The following KCNQ3 variants were observed in gnomAD, a reference collection of about 807,000 sequenced individuals.
The protein encoded by KCNQ3 is potassium voltage-gated channel subfamily KQT member 3.
KCNQ3 carries 30 observed loss-of-function variants against 92.5 expected under a neutral mutation model. The observed-to-expected ratio is 0.32, with a 90% CI of 0.24 to 0.44. The LOEUF is 0.44. Among genes scored for constraint, KCNQ3 ranks in the 20% least tolerant of loss-of-function variants. The pLI is 1.00. For synonymous variants in KCNQ3, 450 were observed against 468.8 expected, an observed-to-expected ratio of 0.96 and a Z score of 0.52; for missense variants, 913 against 1,140.3, an observed-to-expected ratio of 0.80 and a Z score of 2.87.
At chr8:132,297,709 A>G (rs1817088034) in intron 1 of KCNQ3, among the ~76,000 whole-genome samples, 1 of 152,262 alleles carries the variant, frequency 6.6e-6, no homozygotes, top group Non-Finnish European at 1.5e-5. Flanking sequence ...CCTCGTTCAC[A>G]TGACAAGTCC....
At chr8:132,311,738 T>C (rs142672373) in intron 1 of KCNQ3, among the ~76,000 whole-genome samples, 6 of 152,112 alleles carry the variant, frequency 3.9e-5, no homozygotes, top group African/African-American at 1.4e-4. Flanking sequence ...AGGAAAAAAA[T>C]TGGTCACCTC....
At chr8:132,464,046 G>T (rs1387201667) in intron 1 of KCNQ3, among the ~76,000 whole-genome samples, 2 of 152,184 alleles carry the variant, frequency 1.3e-5, no homozygotes, top group Non-Finnish European at 2.9e-5. Flanking sequence ...TTAGCTGGGT[G>T]TGGTGGCGGG....
At chr8:132,189,559 G>C (rs1827094049) in intron 1 of KCNQ3, among the ~76,000 whole-genome samples, 2 of 152,250 alleles carry the variant, frequency 1.3e-5, no homozygotes, top group African/African-American at 4.8e-5. Flanking sequence ...GGGCACAGTG[G>C]CTCATGCCTG....
chr8:132,409,432 T>C (rs1031666475), intron 1 of KCNQ3, among the ~76,000 whole-genome samples: 1 of 150,668 alleles, frequency 6.6e-6, no homozygotes, highest in Non-Finnish European at 1.5e-5. Flanking sequence ...AAGTGCCACC[T>C]CCTTGACCTA....
intron 1 of KCNQ3, among the ~76,000 whole-genome samples, chr8:132,305,053 C>T (rs1178765289): frequency 2.0e-5 from 3 of 152,164 alleles, no homozygotes; most frequent in Non-Finnish European, 4.4e-5. Flanking sequence ...CTGCTCAGTG[C>T]CTGGGAGGCT....
At position 132,307,771 on chromosome 8, in the gene KCNQ3, T is replaced by C. The variant is rs563795102; in HGVS notation, c.387-121590A>G. Among the ~76,000 whole-genome samples, 416 of 152,354 alleles carry C rather than the reference T, an allele frequency of 2.7e-3. 3 individuals are homozygous for C. The highest frequency in any genetic ancestry group is 6.8e-3 in the Middle Eastern group (2 of 294). On this transcript the variant is annotated intron_variant, in intron 1 of 14. Transcript: ENST00000388996. ...AAAAAACAGATTTGGGCCAGGATATTGGTCACTAAAGGAGTCACAGTAGTG... is the reference window on the plus strand; with the variant it reads ...AAAAAACAGATTTGGGCCAGGATATCGGTCACTAAAGGAGTCACAGTAGTG...
At chr8:132,258,535 G>A (rs1193483771) in intron 1 of KCNQ3, among the ~76,000 whole-genome samples, 1 of 152,010 alleles carries the variant, frequency 6.6e-6, no homozygotes, top group East Asian at 1.9e-4. Context: ...ATTTACAGTT[G>A]TAAATGTCTA....
At chr8:132,396,175 A>G (rs1042443202) in intron 1 of KCNQ3, among the ~76,000 whole-genome samples, 8 of 152,098 alleles carry the variant, frequency 5.3e-5, no homozygotes, top group Admixed American at 3.3e-4. Context: ...TGCTCCACAT[A>G]TGTTTCTCAT....
intron 1 of KCNQ3, among the ~76,000 whole-genome samples, chr8:132,191,884 T>G (rs1827173231): frequency 6.6e-6 from 1 of 151,174 alleles, no homozygotes; most frequent in South Asian, 2.1e-4. Flanking sequence ...GGTCTTGGGG[T>G]GGGAAGAAAG....
In KCNQ3 at chr8:132,186,490, G is replaced by T. The variant is rs975442441; in HGVS notation, c.387-309C>A. On this transcript the variant is annotated intron_variant, in intron 1 of 14. Coordinates refer to ENST00000388996, the MANE Select transcript of KCNQ3 (RefSeq NM_004519.4). ...TGGTTCCAACCTCGAGGACATTGCT[G>T]AAAGTCCAAAAGTCAAGACAACTTT... 13 of 382,906 alleles carry T rather than the reference G, an allele frequency of 3.4e-5. No homozygotes were observed. In the Admixed American group the frequency reaches 4.8e-4, roughly 14 times the overall value. The allele number at this position is 382,906 out of a possible 1,614,324, so 23.7% of individuals were successfully genotyped here. A position where few individuals can be genotyped will look rare whatever the true frequency, so the allele number is the denominator to read the frequency against.
intron 1 of KCNQ3, among the ~76,000 whole-genome samples, chr8:132,439,644 T>C (rs73708466): frequency 0.047 from 7,068 of 150,460 alleles, 178 homozygotes; most frequent in Middle Eastern, 0.071. Flanking sequence ...CAGAGAGGAG[T>C]CAGAGTGAGA....
chr8:132,190,682 G>A (rs1827129685), intron 1 of KCNQ3, among the ~76,000 whole-genome samples: 1 of 152,214 alleles, frequency 6.6e-6, no homozygotes, highest in Non-Finnish European at 1.5e-5. Context: ...GCTGCTTCGT[G>A]AGATGCTCAG....
intron 1 of KCNQ3, among the ~76,000 whole-genome samples, chr8:132,295,147 G>A (rs1816978070): frequency 6.6e-6 from 1 of 152,144 alleles, no homozygotes; most frequent in African/African-American, 2.4e-5. Flanking sequence ...ATCTGACAAA[G>A]GTCTAATATA....
chr8:132,204,125 T>A (rs1813570512), intron 1 of KCNQ3, among the ~76,000 whole-genome samples: 1 of 152,226 alleles, frequency 6.6e-6, no homozygotes, highest in Non-Finnish European at 1.5e-5. Flanking sequence ...GGGAAAAATG[T>A]GCATCTTAGA....
chr8:132,209,926 A>ATG (rs1491098229), intron 1 of KCNQ3, among the ~76,000 whole-genome samples: 1 of 152,158 alleles, frequency 6.6e-6, no homozygotes, highest in African/African-American at 2.4e-5. Context: ...GTGTATATAC[A>ATG]TGTGTGTGTG....
intron 1 of KCNQ3, among the ~76,000 whole-genome samples, chr8:132,300,043 C>T (rs1817166025): frequency 6.6e-6 from 1 of 152,166 alleles, no homozygotes; most frequent in African/African-American, 2.4e-5. Context: ...GAGGAAGTCC[C>T]TGACTGAGGA....
chr8:132,382,650 G>A (rs892383712), intron 1 of KCNQ3, among the ~76,000 whole-genome samples: 1 of 152,204 alleles, frequency 6.6e-6, no homozygotes. Context: ...TTGAAGTGAA[G>A]TGTGGAGACA....
At chr8:132,413,756 C>T (rs975772157) in intron 1 of KCNQ3, among the ~76,000 whole-genome samples, 1 of 152,250 alleles carries the variant, frequency 6.6e-6, no homozygotes, top group African/African-American at 2.4e-5. Flanking sequence ...GCACAGGCAG[C>T]AGATTCACCG....
intron 1 of KCNQ3, among the ~76,000 whole-genome samples, chr8:132,296,257 T>G (rs1281084135): frequency 6.6e-6 from 1 of 152,324 alleles, no homozygotes; most frequent in South Asian, 2.1e-4. Flanking sequence ...AGCGAGGTCC[T>G]GTAAACCCTG....
Sources: allele counts gnomAD v4.1 joint callset (sites outside exome capture counted in the v4.1 genomes callset), GRCh38; gene constraint gnomAD v4.1.1; transcripts MANE v1.5; gene names NCBI Gene and HGNC (gene_info 2026-07-23, HGNC 2026-07-21).